The following HEMK2 variants were observed in gnomAD, a reference collection of about 807,000 sequenced individuals.
HEMK2 encodes the protein methyltransferase HEMK2.
chr21:28,766,622 G>T, the HEMK2 span, among the ~76,000 whole-genome samples: 4 of 151,962 alleles, frequency 2.6e-5, no homozygotes, highest in East Asian at 7.8e-4. Context: ...ATCAACCAAC[G>T]AATAGATAAA....
the HEMK2 span, among the ~76,000 whole-genome samples, chr21:28,763,884 A>G: frequency 6.6e-6 from 1 of 151,750 alleles, no homozygotes; most frequent in African/African-American, 2.4e-5. Flanking sequence ...CATGGACCAC[A>G]TGGAGCAGAC....
At chr21:28,675,021 T>C in the HEMK2 span, among the ~76,000 whole-genome samples, 1 of 152,172 alleles carries the variant, frequency 6.6e-6, no homozygotes, top group African/African-American at 2.4e-5. Context: ...ATTTAGATCA[T>C]AGCACCCAGT....
the HEMK2 span, among the ~76,000 whole-genome samples, chr21:28,883,764 G>A: frequency 6.6e-6 from 1 of 152,116 alleles, no homozygotes; most frequent in Non-Finnish European, 1.5e-5. Flanking sequence ...CTGTCACCTA[G>A]GCTAGAGTGC....
the HEMK2 span, among the ~76,000 whole-genome samples, chr21:28,733,653 A>C: frequency 1.3e-5 from 2 of 148,284 alleles, no homozygotes; most frequent in Non-Finnish European, 3.0e-5. Context: ...CCCCAACCCC[A>C]TTTTTTTCAC....
At chr21:28,806,211 C>G in the HEMK2 span, among the ~76,000 whole-genome samples, 5 of 152,228 alleles carry the variant, frequency 3.3e-5, no homozygotes, top group Admixed American at 6.5e-5. Flanking sequence ...TCTGCACCTA[C>G]TTTCTAAGGG....
chr21:28,857,936 G>A, the HEMK2 span, among the ~76,000 whole-genome samples: 1 of 152,196 alleles, frequency 6.6e-6, no homozygotes, highest in African/African-American at 2.4e-5. Context: ...CAGGTGTTAA[G>A]GTTGGCTTTG....
At chr21:28,876,846 C>T in the HEMK2 span, among the ~76,000 whole-genome samples, 1 of 151,780 alleles carries the variant, frequency 6.6e-6, no homozygotes, top group Non-Finnish European at 1.5e-5. Flanking sequence ...ATGACAAAAG[C>T]CAATGAAGGT....
At chr21:28,831,594 AGAAGGAAAGAAGGAAAGAAG>A in the HEMK2 span, among the ~76,000 whole-genome samples, 1 of 82,868 alleles carries the variant, frequency 1.2e-5, no homozygotes, top group East Asian at 5.2e-4. Context: ...AAAGAAGGAA[AGAAGGAAAGAAGGAAAGAAG>A]GAAAGAAGGA....
chr21:28,807,232 C>T, the HEMK2 span, among the ~76,000 whole-genome samples: 99 of 152,260 alleles, frequency 6.5e-4, 2 homozygotes, highest in East Asian at 0.018. Flanking sequence ...TCATTGCCTG[C>T]CCATACTTCC....
chr21:28,709,100 A>G, the HEMK2 span, among the ~76,000 whole-genome samples: 2 of 152,166 alleles, frequency 1.3e-5, no homozygotes, highest in South Asian at 4.1e-4. Flanking sequence ...GGTCCCTTCT[A>G]TAAGGGCACT....
At chr21:28,583,998 T>C in the HEMK2 span, among the ~76,000 whole-genome samples, 1 of 152,222 alleles carries the variant, frequency 6.6e-6, no homozygotes, top group Non-Finnish European at 1.5e-5. Context: ...CAGGAGTCTC[T>C]GAAAGCTACA....
chr21:28,779,802 C>G, the HEMK2 span, among the ~76,000 whole-genome samples: 1 of 152,148 alleles, frequency 6.6e-6, no homozygotes, highest in Non-Finnish European at 1.5e-5. Context: ...GAATTTAACT[C>G]CAAATACTCA....
chr21:28,846,343 T>G, the HEMK2 span, among the ~76,000 whole-genome samples: 1 of 152,234 alleles, frequency 6.6e-6, no homozygotes, highest in Admixed American at 6.5e-5. Flanking sequence ...CAACTGGTGC[T>G]TCTGCTTTAA....
the HEMK2 span, among the ~76,000 whole-genome samples, chr21:28,688,442 G>A: frequency 1.6e-4 from 25 of 152,234 alleles, no homozygotes; most frequent in African/African-American, 5.5e-4. Flanking sequence ...CTCTGTGGCA[G>A]GTCTGGGAGA....
the HEMK2 span, among the ~76,000 whole-genome samples, chr21:28,692,987 G>A: frequency 4.6e-5 from 7 of 152,270 alleles, no homozygotes; most frequent in African/African-American, 1.7e-4. Flanking sequence ...TTTGCCAGCA[G>A]CTGGAGGAGG....
chr21:28,744,706 A>G, the HEMK2 span, among the ~76,000 whole-genome samples: 4 of 152,324 alleles, frequency 2.6e-5, no homozygotes, highest in East Asian at 3.9e-4. Context: ...TCATTTGATA[A>G]TCACCTTTTC....
chr21:28,845,834 G>C, the HEMK2 span, among the ~76,000 whole-genome samples: 4 of 151,984 alleles, frequency 2.6e-5, no homozygotes, highest in Admixed American at 1.3e-4. Context: ...TACGTGTGCA[G>C]ATTTGTTACA....
At chr21:28,768,883 G>A in the HEMK2 span, among the ~76,000 whole-genome samples, 1 of 151,894 alleles carries the variant, frequency 6.6e-6, no homozygotes, top group African/African-American at 2.4e-5. Flanking sequence ...CTTACACAAA[G>A]AAGAAACACC....
the HEMK2 span, among the ~76,000 whole-genome samples, chr21:28,604,273 G>A: frequency 6.6e-6 from 1 of 152,166 alleles, no homozygotes; most frequent in African/African-American, 2.4e-5. Flanking sequence ...GGAGTGAGGG[G>A]CTGGGGGAGG....
Sources: allele counts gnomAD v4.1 joint callset (sites outside exome capture counted in the v4.1 genomes callset), GRCh38; gene constraint gnomAD v4.1.1; transcripts MANE v1.5; gene names NCBI Gene and HGNC (gene_info 2026-07-23, HGNC 2026-07-21).